BPIFB2: variants seen among roughly 807,000 people sequenced by gnomAD.
BPIFB2 encodes BPI fold containing family B member 2.
A neutral mutation model predicts 50.1 loss-of-function variants in BPIFB2; 39 were observed. The ratio of observed to expected loss-of-function variants is 0.78; its 90% CI spans 0.60 to 1.02. The LOEUF is 1.02. Ranked by LOEUF, BPIFB2 falls within the 50% of genes least tolerant of loss-of-function variation. BPIFB2 has a pLI of 0.00. For synonymous variants in BPIFB2, 280 were observed against 256.3 expected, an observed-to-expected ratio of 1.09 and a Z score of -0.88; for missense variants, 574 against 585.8, an observed-to-expected ratio of 0.98 and a Z score of 0.21.
In BPIFB2 at chr20:33,018,260, C is replaced by T; in HGVS notation, c.579C>T (p.Gly193=). The T allele has an allele frequency of 1.9e-6, 3 of 1,611,096 alleles. No individual in the cohort carries two copies. The highest frequency in any genetic ancestry group is 2.5e-6 in the Non-Finnish European group (3 of 1,177,560). The change falls in exon 8 of 16, where the codon GGC becomes GGT. Residue 193 remains glycine, a splice_region_variant and synonymous_variant. Transcript: ENST00000170150. Reference sequence around the variant, plus strand: ...CTTCTCTACCCTGGTTTCATGAAGGCCTCAACCCCGTGGGTCCTGAGTCCC... The same window carrying T: ...CTTCTCTACCCTGGTTTCATGAAGGTCTCAACCCCGTGGGTCCTGAGTCCC... ...GVNVHLGTLI[G]LNPVGPESQI... is the part of the protein sequence containing the mutation.
Position 33,012,795 on chromosome 20 carries a change from C to T in BPIFB2, c.204-8C>T, listed in dbSNP as rs1215544215. 1 of 1,608,430 alleles carries T rather than the reference C, an allele frequency of 6.2e-7. No individual in the cohort carries two copies. Among genetic ancestry groups the T allele is most frequent in the Admixed American group, 1.7e-5 (1 of 60,014 alleles). On this transcript the variant is annotated splice_region_variant and splice_polypyrimidine_tract_variant and intron_variant, in intron 3 of 15. Coordinates refer to ENST00000170150, the MANE Select transcript of BPIFB2 (RefSeq NM_025227.3). ...GGCCACTCTGTCACCTTGATTACTA[C>T]CCTGCAGGATCCGGATTCTGAATGT...
intron 2 of BPIFB2, 29 bp from the exon 3 acceptor site, chr20:33,010,995 C>A (rs773710343): frequency 3.0e-5 from 48 of 1,599,284 alleles, no homozygotes; most frequent in South Asian, 6.6e-5. Context: ...CCGAGGGCAC[C>A]CTGACCTCAC....
chr20:33,007,722 C>G lies in BPIFB2; in HGVS notation c.-73C>G, dbSNP rs1990226678. The G allele has an allele frequency of 6.6e-6, 1 of 152,272 alleles. No homozygotes were observed. The highest frequency in any genetic ancestry group is 2.1e-4 in the South Asian group (1 of 4,820). 9.4% of individuals were successfully genotyped at this position (152,272 alleles called of 1,614,324 possible). A position where few individuals can be genotyped will look rare whatever the true frequency, so the allele number is the denominator to read the frequency against. ...CTGCCTCGGGCAGAGGAGGGCTACCCTGGGGCTGAGAGTTCACCTGTCTCA... is the reference window on the plus strand; with the variant it reads ...CTGCCTCGGGCAGAGGAGGGCTACCGTGGGGCTGAGAGTTCACCTGTCTCA... On this transcript the variant is annotated 5_prime_UTR_variant, in exon 1 of 16. Coordinates refer to ENST00000170150, the MANE Select transcript of BPIFB2 (RefSeq NM_025227.3).
intron 4 of BPIFB2, 152 bp from the exon 5 acceptor site, chr20:33,013,658 C>A: frequency 8.6e-7 from 1 of 1,159,142 alleles, no homozygotes; most frequent in Non-Finnish European, 1.2e-6. Context: ...TGTGGGCCTG[C>A]CCCAGGTAGG....
rs112290043 is a variant in BPIFB2 at position 33,018,240 on chromosome 20, C to T, written c.578-19C>T. ...TGCTAAATATGCCATCTTTTCTTCT[C>T]TACCCTGGTTTCATGAAGGCCTCAA... is the stretch of plus-strand genomic sequence containing the variant. On this transcript the variant is annotated intron_variant, in intron 7 of 15. Coordinates refer to ENST00000170150, the MANE Select transcript of BPIFB2 (RefSeq NM_025227.3). The T allele has an allele frequency of 5.0e-4, 793 of 1,574,944 alleles. 5 individuals carry two copies. The African/African-American group carries it at 8.9e-3, about 18-fold the overall frequency.
At chr20:33,015,357 C>T (rs1351786483) in intron 5 of BPIFB2, 79 bp from the exon 6 acceptor site, 9 of 1,344,866 alleles carry the variant, frequency 6.7e-6, no homozygotes, top group African/African-American at 5.9e-5. Context: ...GACTTCTCTT[C>T]CCAGACGTGC....
At chr20:33,022,663 A>G (rs1325768774) in intron 15 of BPIFB2, among the ~76,000 whole-genome samples, 1 of 152,242 alleles carries the variant, frequency 6.6e-6, no homozygotes, top group Non-Finnish European at 1.5e-5. Context: ...ATGATAAGCC[A>G]CAGGTACATG....
At chr20:33,011,186 G>C (rs1169567578) in intron 3 of BPIFB2, 69 bp downstream of exon 3, 4 of 1,476,712 alleles carry the variant, frequency 2.7e-6, no homozygotes, top group South Asian at 1.1e-5. Context: ...TGCCAGGTGG[G>C]TGCTTCAGTC....
intron 13 of BPIFB2, 121 bp downstream of exon 13, chr20:33,020,708 G>T: frequency 8.7e-7 from 1 of 1,144,780 alleles, no homozygotes; most frequent in Non-Finnish European, 1.2e-6. Flanking sequence ...ACTATAGTCA[G>T]GCTTCCCCGG....
Position 33,012,915 on chromosome 20 carries a change from G to C in BPIFB2, c.308+8G>C. 2 of 1,602,956 alleles carry C rather than the reference G, an allele frequency of 1.2e-6. No individual in the cohort carries two copies. The highest frequency in any genetic ancestry group is 1.7e-6 in the Non-Finnish European group (2 of 1,170,044). ...TACTTTCAAGGTCTTTCGGTGAGCG[G>C]ATCTCCTTGTTAGGGGGTGAGAAGG... On this transcript the variant is annotated splice_region_variant and intron_variant, in intron 4 of 15. Coordinates refer to ENST00000170150, the MANE Select transcript of BPIFB2 (RefSeq NM_025227.3).
intron 15 of BPIFB2, 147 bp downstream of exon 15, chr20:33,021,946 C>T: frequency 1.3e-6 from 1 of 793,572 alleles, no homozygotes; most frequent in South Asian, 1.6e-5. Context: ...TCCAGGATGC[C>T]AAGAGATGCT....
intron 6 of BPIFB2, among the ~76,000 whole-genome samples, chr20:33,016,806 G>A (rs546675564): frequency 2.7e-3 from 417 of 152,328 alleles, no homozygotes; most frequent in African/African-American, 9.6e-3. Flanking sequence ...TCTTTCTTCC[G>A]TGCCTGGGGA....
In BPIFB2 at chr20:33,019,697, G is replaced by C. The variant is rs1268253849; in HGVS notation, c.1027G>C (p.Val343Leu). ...ATLRLQPFVE[V>L]LATASNSAFQ... ...CCTGCGGCTGCAGCCCTTCGTGGAGGTCCTGGCCACAGCCTCCAACTCGGC... is the reference window on the plus strand; with the variant it reads ...CCTGCGGCTGCAGCCCTTCGTGGAGCTCCTGGCCACAGCCTCCAACTCGGC... The change falls in exon 11 of 16, where the codon GTC becomes CTC. Residue 343 changes from valine to leucine, a missense_variant. Val to Leu is a conservative substitution (Grantham distance 32, BLOSUM62 1). Transcript: ENST00000170150. 23 of 1,611,808 alleles carry C rather than the reference G, an allele frequency of 1.4e-5. No individual in the cohort carries two copies. Among genetic ancestry groups the C allele is most frequent in the Non-Finnish European group, 1.7e-5 (20 of 1,179,086 alleles).
chr20:33,010,510 A>G (rs1022322769), intron 2 of BPIFB2, among the ~76,000 whole-genome samples: 5 of 152,236 alleles, frequency 3.3e-5, no homozygotes, highest in African/African-American at 1.2e-4. Flanking sequence ...CAGAGTAGCC[A>G]CACAGGCAGT....
intron 2 of BPIFB2, among the ~76,000 whole-genome samples, chr20:33,010,427 A>G (rs1348319816): frequency 6.6e-6 from 1 of 152,220 alleles, no homozygotes; most frequent in Non-Finnish European, 1.5e-5. Flanking sequence ...CTGTGCACTG[A>G]GTGTTTACAA....
chr20:33,020,598 G>A lies in BPIFB2; in HGVS notation c.1194+11G>A. 1 of 1,599,680 alleles carries A rather than the reference G, an allele frequency of 6.3e-7. No homozygotes were observed. The highest frequency in any genetic ancestry group is 8.5e-7 in the Non-Finnish European group (1 of 1,171,680). On this transcript the variant is annotated intron_variant, in intron 13 of 15. Transcript: ENST00000170150. ...GTGGGCTTCATTGATGTGAGTGTGG[G>A]GCTGGGGCCTCTAGAAACCCCCGTC...
At chr20:33,021,693 G>A (rs1374288123) in intron 14 of BPIFB2, 30 bp from the exon 15 acceptor site, 2 of 1,608,734 alleles carry the variant, frequency 1.2e-6, no homozygotes, top group East Asian at 2.2e-5. Flanking sequence ...TGGCTCCAGG[G>A]GACGATCCTT....
At chr20:33,016,429 A>T (rs1978433146) in intron 6 of BPIFB2, among the ~76,000 whole-genome samples, 1 of 152,130 alleles carries the variant, frequency 6.6e-6, no homozygotes, top group Admixed American at 6.5e-5. Context: ...GCAGGAAGGA[A>T]GACCCACCCT....
At chr20:33,023,128 G>C (rs1365286706) in intron 15 of BPIFB2, among the ~76,000 whole-genome samples, 1 of 152,130 alleles carries the variant, frequency 6.6e-6, no homozygotes, top group East Asian at 1.9e-4. Flanking sequence ...CTTCCATGGG[G>C]GTCTCACTGC....
Sources: gnomAD v4.1 joint callset for allele counts (sites outside exome capture counted in the v4.1 genomes callset) on GRCh38, gnomAD v4.1.1 for gene constraint, MANE v1.5 for transcripts, NCBI Gene and HGNC (gene_info 2026-07-23, HGNC 2026-07-21) for gene names.